SDK1: variants seen among roughly 807,000 people sequenced by gnomAD.
The protein encoded by SDK1 is sidekick cell adhesion molecule 1.
Under a neutral mutation model 245.5 loss-of-function variants are expected in SDK1, and 157 were observed. The ratio of observed to expected loss-of-function variants is 0.64; its 90% confidence interval spans 0.56 to 0.73. The LOEUF (loss-of-function observed/expected upper bound fraction) is 0.73, where lower values mean the gene tolerates loss of function less well. SDK1 is among the 30% of genes least tolerant of loss of function. The pLI, the probability that SDK1 is intolerant of heterozygous loss-of-function variation, is 0.00. For missense variants in SDK1, 3,583 were observed against 3,002.3 expected (o/e 1.19, Z -4.52); for synonymous variants, 1,647 against 1,278.5 (o/e 1.29, Z -6.15).
chr7:3,958,743 C>G (rs919103173), intron 7 of SDK1, among the ~76,000 whole-genome samples, 188 bp from the exon 8 acceptor site: 4 of 152,156 alleles, frequency 2.6e-5, no homozygotes, highest in African/African-American at 9.7e-5. Context: ...AAGTTGCTTT[C>G]TGAAACCCCA....
chr7:3,996,453 T>A (rs1002955156), intron 14 of SDK1, among the ~76,000 whole-genome samples: 2 of 152,212 alleles, frequency 1.3e-5, no homozygotes, highest in Middle Eastern at 3.2e-3. Flanking sequence ...ATAAATTGTT[T>A]TATGAGAAGT....
intron 1 of SDK1, among the ~76,000 whole-genome samples, chr7:3,607,108 A>T (rs1781449355): frequency 6.6e-6 from 1 of 152,174 alleles, no homozygotes; most frequent in Non-Finnish European, 1.5e-5. Context: ...TGAAGCCCCT[A>T]AACTGGCCAC....
At chr7:3,432,276 C>A (rs1779875891) in intron 1 of SDK1, among the ~76,000 whole-genome samples, 1 of 151,716 alleles carries the variant, frequency 6.6e-6, no homozygotes, top group Admixed American at 6.6e-5. Context: ...ACATTAGTAT[C>A]ATCAAATTGG....
intron 1 of SDK1, among the ~76,000 whole-genome samples, chr7:3,398,864 G>A (rs751858025): frequency 1.3e-5 from 2 of 150,286 alleles, no homozygotes; most frequent in East Asian, 4.0e-4. Context: ...TCCTCTAGTA[G>A]CGCTCCTCCT....
intron 17 of SDK1, among the ~76,000 whole-genome samples, chr7:4,025,037 C>A (rs982836224): frequency 6.6e-6 from 1 of 151,954 alleles, no homozygotes; most frequent in Admixed American, 6.5e-5. Flanking sequence ...CACACACACA[C>A]ACACACACAC....
chr7:4,166,952 G>T (rs1186477159), intron 32 of SDK1, among the ~76,000 whole-genome samples: 2 of 152,154 alleles, frequency 1.3e-5, no homozygotes, highest in Non-Finnish European at 2.9e-5. Flanking sequence ...TTTCCCTGCA[G>T]GTCCTGCCTC....
intron 1 of SDK1, among the ~76,000 whole-genome samples, chr7:3,565,450 A>C (rs1779881074): frequency 6.6e-6 from 1 of 152,216 alleles, no homozygotes; most frequent in South Asian, 2.1e-4. Flanking sequence ...GATCAGTGCT[A>C]TCCAGGAAGT....
intron 17 of SDK1, among the ~76,000 whole-genome samples, chr7:4,017,808 G>A (rs1365363255): frequency 2.0e-5 from 3 of 152,104 alleles, no homozygotes; most frequent in Non-Finnish European, 4.4e-5. Flanking sequence ...ACTTTTTTTG[G>A]TTGTGCTTTT....
rs1270993420 is a variant in SDK1 at position 3,383,873 on chromosome 7, T to G, written c.298+81989T>G. ...AAATAGTGCCTTTAAAAATATTTTC[T>G]CTTTAGAGAAACGTGTTCAAACCCT... On this transcript the variant is annotated intron_variant, in intron 1 of 44. Transcript: ENST00000404826. 2.0e-5 allele frequency among the ~76,000 whole-genome samples: 3 copies of G among 152,342 alleles called. No homozygotes were observed. In the East Asian group the frequency reaches 5.8e-4, roughly 29 times the overall value.
chr7:3,613,273 C>T (rs1419745680), intron 1 of SDK1, among the ~76,000 whole-genome samples: 2 of 152,112 alleles, frequency 1.3e-5, no homozygotes, highest in Non-Finnish European at 2.9e-5. Flanking sequence ...AATGATTTTT[C>T]CTCTGCAGAT....
At chr7:4,207,473 A>G (rs1784287086) in intron 36 of SDK1, among the ~76,000 whole-genome samples, 1 of 152,204 alleles carries the variant, frequency 6.6e-6, no homozygotes, top group Non-Finnish European at 1.5e-5. Context: ...ACAAGAGGAA[A>G]TGGCACCCCA....
At chr7:3,529,154 G>T (rs1270098193) in intron 1 of SDK1, among the ~76,000 whole-genome samples, 1 of 152,172 alleles carries the variant, frequency 6.6e-6, no homozygotes, top group African/African-American at 2.4e-5. Context: ...AGAATTGGAA[G>T]TATTAATGTA....
chr7:3,692,303 T>C (rs1329968029), intron 4 of SDK1, among the ~76,000 whole-genome samples: 2 of 152,096 alleles, frequency 1.3e-5, no homozygotes, highest in African/African-American at 4.8e-5. Context: ...CCAAAATAAC[T>C]TGTTACTATT....
At chr7:3,760,688 G>C (rs956369867) in intron 4 of SDK1, among the ~76,000 whole-genome samples, 1 of 152,180 alleles carries the variant, frequency 6.6e-6, no homozygotes, top group Admixed American at 6.5e-5. Context: ...ATTTGGATGT[G>C]GTGTTTGGGA....
At chr7:3,854,125 G>A (rs114512169) in intron 5 of SDK1, among the ~76,000 whole-genome samples, 2,123 of 152,188 alleles carry the variant, frequency 0.014, 54 homozygotes, top group African/African-American at 0.049. Context: ...CTAGAGACAG[G>A]ATACTTGAGA....
chr7:3,537,664 G>C (rs757719919), intron 1 of SDK1, among the ~76,000 whole-genome samples: 8 of 152,196 alleles, frequency 5.3e-5, no homozygotes, highest in Non-Finnish European at 1.2e-4. Flanking sequence ...TTCTAAGCAG[G>C]CTGCTGACTG....
chr7:4,205,752 G>A (rs764676116), intron 35 of SDK1, 127 bp from the exon 36 acceptor site: 15 of 775,518 alleles, frequency 1.9e-5, no homozygotes, highest in Non-Finnish European at 3.2e-5. Flanking sequence ...CGACGGCCCA[G>A]GGAAGAATCT....
chr7:3,390,071 T>A (rs1306837059), intron 1 of SDK1, among the ~76,000 whole-genome samples: 1 of 152,104 alleles, frequency 6.6e-6, no homozygotes, highest in African/African-American at 2.4e-5. Flanking sequence ...AAAGCAGAAT[T>A]TGTAAGTGAT....
At chr7:4,154,860 T>C (rs1780625686) in intron 30 of SDK1, among the ~76,000 whole-genome samples, 1 of 152,058 alleles carries the variant, frequency 6.6e-6, no homozygotes, top group Non-Finnish European at 1.5e-5. Flanking sequence ...TTAGAAGGGT[T>C]ACAGGAGGGT....
Sources: allele counts gnomAD v4.1 joint callset (sites outside exome capture counted in the v4.1 genomes callset), GRCh38; gene constraint gnomAD v4.1.1; transcripts MANE v1.5; gene names NCBI Gene and HGNC (gene_info 2026-07-23, HGNC 2026-07-21).